Variants in NHSL1 observed in about 807,000 individuals in gnomAD.
NHSL1 encodes NHS like 1.
In NHSL1, 48 loss-of-function variants were observed where a neutral mutation model predicts 95.0. The ratio of observed to expected loss-of-function variants is 0.51; its 90% CI spans 0.40 to 0.64. The LOEUF is 0.64. NHSL1 is among the 30% of genes least tolerant of loss of function. The probability of loss-of-function intolerance (pLI) is 0.00; values close to 1 mark genes in which losing one functional copy is unlikely to be tolerated. For synonymous variants in NHSL1, 783 were observed against 833.9 expected (o/e 0.94, Z 1.05); for missense variants, 1,971 against 2,077.7 (o/e 0.95, Z 1.00).
At chr6:138,517,693 A>G (rs1045890505) in intron 1 of NHSL1, among the ~76,000 whole-genome samples, 10 of 152,216 alleles carry the variant, frequency 6.6e-5, no homozygotes, top group African/African-American at 1.2e-4. Flanking sequence ...GGGCCAGAGG[A>G]TAAGTTTACC....
At chr6:138,536,303 C>T (rs1562355967) in intron 1 of NHSL1, among the ~76,000 whole-genome samples, 3 of 152,096 alleles carry the variant, frequency 2.0e-5, no homozygotes, top group East Asian at 1.9e-4. Flanking sequence ...AGTGTGTTAT[C>T]GTAAGTCAAA....
intron 1 of NHSL1, among the ~76,000 whole-genome samples, chr6:138,552,736 G>A (rs938046056): frequency 4.6e-5 from 7 of 151,966 alleles, no homozygotes; most frequent in South Asian, 2.1e-4. Context: ...AGCCTCTTTC[G>A]GTTGCCCTTA....
chr6:138,630,190 G>C (rs1256322244), intron 1 of NHSL1, among the ~76,000 whole-genome samples: 3 of 151,642 alleles, frequency 2.0e-5, no homozygotes, highest in South Asian at 4.2e-4. Flanking sequence ...CTGAGCGACA[G>C]AGTAAGACCT....
At chr6:138,460,373 T>C (rs1049687235) in intron 3 of NHSL1, among the ~76,000 whole-genome samples, 3 of 148,236 alleles carry the variant, frequency 2.0e-5, no homozygotes, top group African/African-American at 7.5e-5. Context: ...CAGCCCTCTA[T>C]AACGTGGGGT....
At chr6:138,586,225 G>A (rs1351001619) in intron 1 of NHSL1, among the ~76,000 whole-genome samples, 1 of 151,654 alleles carries the variant, frequency 6.6e-6, no homozygotes, top group Non-Finnish European at 1.5e-5. Context: ...CTCCCAAATA[G>A]CTGGAATTAC....
At chr6:138,688,699 T>C (rs767751583) in intron 1 of NHSL1, among the ~76,000 whole-genome samples, 10 of 151,998 alleles carry the variant, frequency 6.6e-5, no homozygotes, top group Non-Finnish European at 1.0e-4. Flanking sequence ...CGAGTGTCTA[T>C]TGATTTCTGC....
chr6:138,492,134 A>G (rs1780114087), intron 2 of NHSL1, among the ~76,000 whole-genome samples: 1 of 152,208 alleles, frequency 6.6e-6, no homozygotes, highest in Non-Finnish European at 1.5e-5. Flanking sequence ...TTCGGATCAG[A>G]GTAGAGCGAA....
chr6:138,624,813 T>G (rs73774870), intron 1 of NHSL1, among the ~76,000 whole-genome samples: 5,080 of 152,290 alleles, frequency 0.033, 92 homozygotes, highest in Middle Eastern at 0.075. Flanking sequence ...TGCAAAAGCT[T>G]TGGTAGACCC....
At chr6:138,657,295 G>A (rs1030606950) in intron 1 of NHSL1, among the ~76,000 whole-genome samples, 2 of 152,124 alleles carry the variant, frequency 1.3e-5, no homozygotes, top group African/African-American at 4.8e-5. Flanking sequence ...TAAAGCCAAT[G>A]CTTTTTCTTT....
At chr6:138,532,023 A>C (rs1409868996) in intron 1 of NHSL1, among the ~76,000 whole-genome samples, 1 of 152,224 alleles carries the variant, frequency 6.6e-6, no homozygotes, top group Non-Finnish European at 1.5e-5. Flanking sequence ...GGTAACTCAG[A>C]GAAGGGGTTA....
chr6:138,648,449 T>C (rs533203302), intron 1 of NHSL1, among the ~76,000 whole-genome samples: 43 of 152,070 alleles, frequency 2.8e-4, no homozygotes, highest in Admixed American at 9.8e-4. Flanking sequence ...CCAGCCATCA[T>C]ATAAGGCTGC....
chr6:138,663,328 A>G (rs1280509172), intron 1 of NHSL1, among the ~76,000 whole-genome samples: 1 of 152,114 alleles, frequency 6.6e-6, no homozygotes, highest in Non-Finnish European at 1.5e-5. Context: ...TGGGAGGCCG[A>G]GGCAGGCAGA....
intron 1 of NHSL1, among the ~76,000 whole-genome samples, chr6:138,563,337 A>C (rs1783484113): frequency 6.6e-6 from 1 of 152,228 alleles, no homozygotes; most frequent in Non-Finnish European, 1.5e-5. Context: ...TAGTATTTTA[A>C]TCATTTCAGG....
intron 5 of NHSL1, among the ~76,000 whole-genome samples, chr6:138,437,361 T>TATATATATATACACATATATATATACAC (rs1349950748): frequency 2.2e-4 from 12 of 54,074 alleles, no homozygotes; most frequent in African/African-American, 1.2e-3. Flanking sequence ...TATATACACA[T>TATATATATATACACATATATATATACAC]ATATATATAT....
chr6:138,578,134 C>T (rs939592758), intron 1 of NHSL1, among the ~76,000 whole-genome samples: 16 of 152,308 alleles, frequency 1.1e-4, no homozygotes, highest in Admixed American at 6.5e-4. Flanking sequence ...GTGCCTTCAA[C>T]GGAATTAATA....
intron 1 of NHSL1, among the ~76,000 whole-genome samples, chr6:138,521,318 T>C (rs925173603): frequency 6.6e-6 from 1 of 151,984 alleles, no homozygotes; most frequent in Admixed American, 6.6e-5. Flanking sequence ...ATAAAAAAAT[T>C]CACTGGGACT....
intron 2 of NHSL1, 125 bp downstream of exon 2, chr6:138,496,094 C>A: frequency 1.9e-6 from 2 of 1,036,838 alleles, no homozygotes; most frequent in South Asian, 1.5e-5. Flanking sequence ...TTTATGATAT[C>A]GTATAAAGAC....
upstream of NHSL1, among the ~76,000 whole-genome samples, chr6:138,501,534 C>T (rs1236494716): frequency 1.3e-5 from 2 of 152,054 alleles, no homozygotes; most frequent in African/African-American, 4.8e-5. Context: ...GGCAAGAAAA[C>T]AAAACTGTGT....
In NHSL1 at chr6:138,437,327, C is replaced by CAT. The variant is rs1337221005; in HGVS notation, c.665-3648_665-3647insAT. Among the ~76,000 whole-genome samples, 155 of 92,890 alleles carry CAT rather than the reference C, an allele frequency of 1.7e-3. 6 individuals are homozygous for CAT. Among genetic ancestry groups the CAT allele is most frequent in the African/African-American group, 8.2e-3 (144 of 17,566 alleles). The allele number at this position is 92,890 out of a possible 152,430, so 60.9% of individuals were successfully genotyped here. A position where few individuals can be genotyped will look rare whatever the true frequency, so the allele number is the denominator to read the frequency against. ...ATATATATATATATATATACACACA[C>CAT]ACATATATATATATACACATATATA... On this transcript the variant is annotated intron_variant, in intron 5 of 7. Coordinates refer to ENST00000343505, the MANE Select transcript of NHSL1 (RefSeq NM_001144060.2).
Sources: gnomAD v4.1 joint callset for allele counts (sites outside exome capture counted in the v4.1 genomes callset) on GRCh38, gnomAD v4.1.1 for gene constraint, MANE v1.5 for transcripts, NCBI Gene and HGNC (gene_info 2026-07-23, HGNC 2026-07-21) for gene names.